The following CEP192 variants were observed in gnomAD, a reference collection of about 807,000 sequenced individuals.
CEP192 encodes centrosomal protein of 192 kDa.
CEP192 carries 151 observed loss-of-function variants against 271.8 expected under a neutral mutation model. That is an observed-to-expected ratio of 0.56 (90% CI 0.49 to 0.64). The LOEUF (loss-of-function observed/expected upper bound fraction) is 0.64, where lower values mean the gene tolerates loss of function less well. CEP192 is among the 30% of genes least tolerant of loss of function. The pLI is 0.00. For synonymous variants in CEP192, 995 were observed against 1,076.5 expected (o/e 0.92, Z 1.48); for missense variants, 2,910 against 3,020.5 (o/e 0.96, Z 0.86).
In CEP192 at chr18:13,056,142, A is replaced by G. The variant is rs752911728; in HGVS notation, c.3552A>G (p.Ser1184=). Residue 1184 remains serine (S), a synonymous_variant, in exon 19 of 45, where the codon TCA becomes TCG. Transcript: ENST00000506447. ...GCTGTCAGGTGGGGTCAGCCACATC[A>G]CACCCTGTGTCCTGCCAGGAGCCTA... ...GLSCQVGSAT[S]HPVSCQEPID... 1 of 1,613,470 alleles carries G rather than the reference A, an allele frequency of 6.2e-7. No individual in the cohort carries two copies. The highest frequency in any genetic ancestry group is 1.7e-5 in the Admixed American group (1 of 59,988).
In CEP192 at chr18:13,067,857, T is replaced by A; in HGVS notation, c.4515T>A (p.Leu1505=). The A allele has an allele frequency of 6.2e-7, 1 of 1,611,672 alleles. No individual in the cohort carries two copies. The highest frequency in any genetic ancestry group is 8.5e-7 in the Non-Finnish European group (1 of 1,178,336). The change falls in exon 22 of 45, where the codon CTT becomes CTA. Residue 1505 remains leucine (L), a synonymous_variant. Coordinates refer to ENST00000506447, the MANE Select transcript of CEP192 (RefSeq NM_032142.4). ...IEVETEKKDV[L]DFGDLTYGGW... is the part of the protein sequence containing the mutation. ...TAGAAACAGAAAAGAAAGACGTTCT[T>A]GATTTTGGTGACTTGACTTATGGAG...
At position 13,042,252 on chromosome 18, in the gene CEP192, C is replaced by T. The variant is rs1213196394; in HGVS notation, c.1985C>T (p.Thr662Ile). 3 of 1,612,764 alleles carry T rather than the reference C, an allele frequency of 1.9e-6. No individual in the cohort carries two copies. Among genetic ancestry groups the T allele is most frequent in the Non-Finnish European group, 2.5e-6 (3 of 1,178,886 alleles). The change falls in exon 15 of 45, where the codon ACA (threonine) becomes ATA (isoleucine). Residue 662 changes from threonine (T) to isoleucine (I), a missense_variant. By Grantham distance (89) the Thr-to-Ile change is moderately conservative. Transcript: ENST00000506447. The part of the protein sequence containing the change: ...SQAQLSEGSI[T>I]LQVEAVESTS... ...GCACAGCTAAGTGAAGGATCAATTA[C>T]ACTTCAGGTTGAAGCAGTAGAGAGT...
chr18:13,019,185 T>A lies in CEP192; in HGVS notation c.1029T>A (p.Gly343=). The change falls in exon 9 of 45, where the codon GGT becomes GGA. Residue 343 remains glycine, a synonymous_variant. Transcript: ENST00000506447. ...GTEKEIENLK[G]IVPDLNSECA... ...AGAAAGAAATAGAAAATTTGAAGGG[T>A]ATTGTTCCAGATCTTAACAGTGTAA... 1 of 1,540,928 alleles carries A rather than the reference T, an allele frequency of 6.5e-7. No individual in the cohort carries two copies. The highest frequency in any genetic ancestry group is 2.5e-5 in the East Asian group (1 of 40,212).
chr18:13,047,281 T>G (rs1223435376), intron 15 of CEP192, among the ~76,000 whole-genome samples: 1 of 152,206 alleles, frequency 6.6e-6, no homozygotes, highest in Non-Finnish European at 1.5e-5. Context: ...GGTTTACCTT[T>G]ACTGCTGGGG....
chr18:13,036,576 A>T (rs908884311), intron 11 of CEP192, among the ~76,000 whole-genome samples: 1 of 152,252 alleles, frequency 6.6e-6, no homozygotes, highest in South Asian at 2.1e-4. Context: ...TGCCTCAAGC[A>T]GGGTCTTGGG....
At chr18:13,017,404 G>T (rs777490678) in intron 7 of CEP192, 68 bp downstream of exon 7, 6 of 1,228,202 alleles carry the variant, frequency 4.9e-6, no homozygotes, top group Non-Finnish European at 6.6e-6. Flanking sequence ...CTCCTTGGAT[G>T]TTCACATGAA....
intron 15 of CEP192, among the ~76,000 whole-genome samples, chr18:13,042,843 A>G (rs1227296810): frequency 6.6e-6 from 1 of 152,086 alleles, no homozygotes; most frequent in Non-Finnish European, 1.5e-5. Context: ...ATCCATTTGT[A>G]TTGTTGATGA....
At chr18:13,080,188 C>T (rs1168746719) in intron 30 of CEP192, among the ~76,000 whole-genome samples, 1 of 152,148 alleles carries the variant, frequency 6.6e-6, no homozygotes, top group Non-Finnish European at 1.5e-5. Context: ...TCACTGGTAG[C>T]TTGATGGGGA....
Position 13,049,030 on chromosome 18 carries a change from G to A in CEP192, c.2239G>A (p.Asp747Asn). 6.2e-7 allele frequency: 1 copy of A among 1,614,048 alleles called. No individual in the cohort carries two copies. The highest frequency in any genetic ancestry group is 1.3e-5 in the African/African-American group (1 of 75,004). ...CAAGGCACTTTCAAATAAAACCAGA[G>A]ACAAGACTTTTCAGGAAGATGAGAA... ...MIKALSNKTR[D>N]KTFQEDEKQK... Residue 747 changes from aspartate (D) to asparagine (N), a missense_variant, in exon 16 of 45, where the codon GAC becomes AAC. Transcript: ENST00000506447.
At chr18:13,018,340 A>C in intron 7 of CEP192, 140 bp from the exon 8 acceptor site, 1 of 484,568 alleles carries the variant, frequency 2.1e-6, no homozygotes, top group South Asian at 4.3e-5. Flanking sequence ...AATATTGATT[A>C]CTCTCGTGGT....
intron 21 of CEP192, among the ~76,000 whole-genome samples, chr18:13,063,828 T>C (rs1265788388): frequency 6.6e-6 from 1 of 151,506 alleles, no homozygotes; most frequent in Non-Finnish European, 1.5e-5. Flanking sequence ...CAATTTTTTT[T>C]TTTTTTTTTT....
chr18:13,022,467 A>C (rs934299488), intron 9 of CEP192, among the ~76,000 whole-genome samples: 1 of 151,904 alleles, frequency 6.6e-6, no homozygotes, highest in Non-Finnish European at 1.5e-5. Context: ...TGCAACCTCC[A>C]CCTTCTGGGT....
At chr18:13,087,397 A>G in intron 31 of CEP192, 120 bp downstream of exon 31, 5 of 1,060,310 alleles carry the variant, frequency 4.7e-6, no homozygotes, top group Non-Finnish European at 6.7e-6. Flanking sequence ...AGAAGTACTT[A>G]TGTGATCTTG....
intron 9 of CEP192, among the ~76,000 whole-genome samples, chr18:13,028,465 CTT>C (rs1011352174): frequency 6.6e-5 from 10 of 152,104 alleles, no homozygotes; most frequent in African/African-American, 1.9e-4. Flanking sequence ...TCCTAGTACT[CTT>C]ATATCTAAAT....
Position 13,030,547 on chromosome 18 carries a change from T to C in CEP192, c.1473T>C (p.Asn491=). The part of the protein sequence containing the change: ...VTDLAYYTSF[N]SKQNLNVSLS... ...ACCTTGCCTATTACACATCTTTTAATAGCAAACAAAATTTAAATGTGTCTC... is the reference window on the plus strand; with the variant it reads ...ACCTTGCCTATTACACATCTTTTAACAGCAAACAAAATTTAAATGTGTCTC... The change falls in exon 11 of 45, where the codon AAT becomes AAC. Residue 491 remains asparagine, a synonymous_variant. Transcript: ENST00000506447. The C allele has an allele frequency of 1.9e-6, 3 of 1,612,662 alleles. No individual in the cohort carries two copies. Among genetic ancestry groups the C allele is most frequent in the Non-Finnish European group, 2.5e-6 (3 of 1,178,962 alleles).
At chr18:13,017,398 T>C in intron 7 of CEP192, 62 bp downstream of exon 7, 1 of 1,265,304 alleles carries the variant, frequency 7.9e-7, no homozygotes, top group East Asian at 2.7e-5. Flanking sequence ...ATTGGTCTCC[T>C]TGGATGTTCA....
chr18:13,031,538 C>T (rs954962799), intron 11 of CEP192, among the ~76,000 whole-genome samples: 8 of 152,104 alleles, frequency 5.3e-5, no homozygotes, highest in Non-Finnish European at 1.0e-4. Flanking sequence ...TGAGCCACCG[C>T]GCCCGGCCAC....
intron 1 of CEP192, among the ~76,000 whole-genome samples, chr18:12,997,914 G>A (rs2033361261): frequency 6.6e-6 from 1 of 151,930 alleles, no homozygotes; most frequent in African/African-American, 2.4e-5. Flanking sequence ...TAGTAGAGAC[G>A]AGGTTTTACC....
At chr18:13,084,546 A>T (rs1418739283) in intron 30 of CEP192, among the ~76,000 whole-genome samples, 1 of 152,172 alleles carries the variant, frequency 6.6e-6, no homozygotes, top group Non-Finnish European at 1.5e-5. Context: ...TCCCTTGGCT[A>T]GGAAAGGGAA....
Sources: allele counts gnomAD v4.1 joint callset (sites outside exome capture counted in the v4.1 genomes callset), GRCh38; gene constraint gnomAD v4.1.1; transcripts MANE v1.5; gene names NCBI Gene and HGNC (gene_info 2026-07-23, HGNC 2026-07-21).